Variants in ZNF385D observed in about 807,000 individuals in gnomAD.
The protein encoded by ZNF385D is zinc finger protein 659.
In ZNF385D, 15 loss-of-function variants were observed where a neutral mutation model predicts 35.8. The observed-to-expected ratio is 0.42, with a 90% CI of 0.28 to 0.64. The LOEUF (loss-of-function observed/expected upper bound fraction) is 0.64. ZNF385D is among the 30% of genes least tolerant of loss of function. ZNF385D has a pLI of 0.23. For missense variants in ZNF385D, 474 were observed against 494.6 expected (o/e 0.96, Z 0.39); for synonymous variants, 212 against 186.8 (o/e 1.13, Z -1.10).
intron 2 of ZNF385D, among the ~76,000 whole-genome samples, chr3:22,284,164 A>G (rs906857105): frequency 3.4e-5 from 5 of 149,250 alleles, no homozygotes; most frequent in African/African-American, 7.4e-5. Flanking sequence ...AACATTATCA[A>G]TAAACACAGG....
rs149869081 is a variant in ZNF385D at position 21,982,035 on chromosome 3, T to A, written c.325+186782A>T. 9.6e-3 allele frequency among the ~76,000 whole-genome samples: 1,455 copies of A among 152,062 alleles called. 28 individuals are homozygous for A. The highest frequency in any genetic ancestry group is 0.032 in the African/African-American group (1,323 of 41,428). ...TTGTTCTTTGTGCTTAGGATCGCCT[T>A]GGCTATTTGGGCTCTTTTTTGGTTC... On this transcript the variant is annotated intron_variant, in intron 3 of 5. Transcript: ENST00000494108.
chr3:21,731,610 A>G (rs2125488839), intron 1 of ZNF385D, among the ~76,000 whole-genome samples: 1 of 152,352 alleles, frequency 6.6e-6, no homozygotes, highest in African/African-American at 2.4e-5. Context: ...TCATTACAGT[A>G]ACATACAGAA....
intron 2 of ZNF385D, among the ~76,000 whole-genome samples, chr3:21,576,469 C>T (rs1263211302): frequency 6.6e-6 from 1 of 152,208 alleles, no homozygotes; most frequent in Non-Finnish European, 1.5e-5. Flanking sequence ...TTTATGTGCT[C>T]ATGCAAATTA....
Position 21,421,282 on chromosome 3 carries a change from CCGG to C in ZNF385D, c.1117_1119del (p.Pro373del), listed in dbSNP as rs1700723192. 5.6e-6 allele frequency: 9 copies of C among 1,613,864 alleles called. No individual in the cohort carries two copies. Among genetic ancestry groups the C allele is most frequent in the Middle Eastern group, 1.6e-4 (1 of 6,082 alleles). On this transcript the variant is annotated inframe_deletion, in exon 8 of 8. Coordinates refer to ENST00000281523, the MANE Select transcript of ZNF385D (RefSeq NM_024697.3). Reference sequence around the variant, plus strand: ...GGTCCAGGAGCTGGCCGCAGGAGTGCCGGAGGAAGCGCGGAAGTCTGGAACAGT... The same window carrying C: ...GGTCCAGGAGCTGGCCGCAGGAGTGCAGGAAGCGCGGAAGTCTGGAACAGT...
intron 2 of ZNF385D, among the ~76,000 whole-genome samples, chr3:22,212,003 A>G (rs1200991480): frequency 6.6e-6 from 1 of 152,044 alleles, no homozygotes; most frequent in East Asian, 1.9e-4. Flanking sequence ...ATTTGGGGAT[A>G]TGTGACTATA....
At chr3:21,430,121 A>AT (rs147168846) in intron 5 of ZNF385D, among the ~76,000 whole-genome samples, 5,765 of 152,038 alleles carry the variant, frequency 0.038, 328 homozygotes, top group African/African-American at 0.13. Flanking sequence ...ATATAGTAGC[A>AT]TTTTCCATGT....
intron 4 of ZNF385D, among the ~76,000 whole-genome samples, chr3:21,440,190 GTTTAC>G (rs750397982): frequency 2.0e-5 from 3 of 151,930 alleles, no homozygotes; most frequent in Admixed American, 1.3e-4. Context: ...TAGCAAAGAA[GTTTAC>G]TTTAATATGG....
intron 2 of ZNF385D, among the ~76,000 whole-genome samples, chr3:21,629,921 C>T (rs536920839): frequency 6.6e-6 from 1 of 152,240 alleles, no homozygotes; most frequent in South Asian, 2.1e-4. Context: ...AAATCCATCA[C>T]AATATTTACT....
At chr3:22,176,190 G>C (rs1335409488) in intron 2 of ZNF385D, among the ~76,000 whole-genome samples, 1 of 151,518 alleles carries the variant, frequency 6.6e-6, no homozygotes, top group Non-Finnish European at 1.5e-5. Context: ...ACAACATTCA[G>C]CTTCAGTGGT....
intron 3 of ZNF385D, among the ~76,000 whole-genome samples, chr3:21,996,833 T>C (rs576643949): frequency 7.2e-5 from 11 of 152,248 alleles, no homozygotes; most frequent in Non-Finnish European, 1.3e-4. Context: ...CATTCATTCA[T>C]ATTTCTATTG....
At chr3:22,215,252 G>C (rs182189232) in intron 2 of ZNF385D, among the ~76,000 whole-genome samples, 201 of 152,106 alleles carry the variant, frequency 1.3e-3, no homozygotes, top group African/African-American at 4.6e-3. Flanking sequence ...TGAAAAAAGA[G>C]CAGGATAACA....
chr3:22,138,492 G>A (rs1704297218), intron 3 of ZNF385D, among the ~76,000 whole-genome samples: 1 of 151,964 alleles, frequency 6.6e-6, no homozygotes, highest in Middle Eastern at 3.4e-3. Flanking sequence ...GAACAGAACA[G>A]AGCCCTCAGA....
chr3:22,045,719 C>G (rs1039186450), intron 3 of ZNF385D, among the ~76,000 whole-genome samples: 5 of 146,170 alleles, frequency 3.4e-5, no homozygotes, highest in Non-Finnish European at 7.6e-5. Flanking sequence ...CAAAATATCT[C>G]ACTTCTATTT....
intron 2 of ZNF385D, among the ~76,000 whole-genome samples, chr3:22,259,392 T>G (rs2728988): frequency 6.6e-6 from 1 of 151,606 alleles, no homozygotes; most frequent in Non-Finnish European, 1.5e-5. Flanking sequence ...ATTTTATGCT[T>G]GCTTGACTCT....
intron 1 of ZNF385D, among the ~76,000 whole-genome samples, chr3:21,667,888 C>T (rs897574570): frequency 1.3e-5 from 2 of 152,104 alleles, no homozygotes; most frequent in Non-Finnish European, 2.9e-5. Context: ...AAGGTCCTCT[C>T]TCAGTGTTGC....
At chr3:22,036,012 G>A (rs1347709655) in intron 3 of ZNF385D, among the ~76,000 whole-genome samples, 1 of 152,050 alleles carries the variant, frequency 6.6e-6, no homozygotes, top group East Asian at 1.9e-4. Context: ...AGACTTATGT[G>A]TTTTTCTGAG....
At chr3:22,101,099 C>A (rs779189) in intron 3 of ZNF385D, among the ~76,000 whole-genome samples, 1 of 151,442 alleles carries the variant, frequency 6.6e-6, no homozygotes, top group African/African-American at 2.4e-5. Flanking sequence ...GAGATTTTGT[C>A]GAATTCTAAT....
intron 1 of ZNF385D, among the ~76,000 whole-genome samples, chr3:21,717,631 G>A (rs1272094842): frequency 6.6e-6 from 1 of 152,164 alleles, no homozygotes; most frequent in Admixed American, 6.5e-5. Context: ...GGGATCCAGT[G>A]GGAGATAATT....
chr3:22,290,346 T>G (rs1026364804), intron 2 of ZNF385D, among the ~76,000 whole-genome samples: 1 of 152,264 alleles, frequency 6.6e-6, no homozygotes, highest in East Asian at 1.9e-4. Context: ...AAGGAGCTAA[T>G]TGTCCACCTT....
Sources: gnomAD v4.1 joint callset for allele counts (sites outside exome capture counted in the v4.1 genomes callset) on GRCh38, gnomAD v4.1.1 for gene constraint, MANE v1.5 for transcripts, NCBI Gene and HGNC (gene_info 2026-07-23, HGNC 2026-07-21) for gene names.